The following PAX3 variants were observed in gnomAD, a reference collection of about 807,000 sequenced individuals.
PAX3 encodes the protein paired box 3.
In PAX3, 14 loss-of-function variants were observed where a neutral mutation model predicts 51.6. That is an observed-to-expected ratio of 0.27 (90% CI 0.18 to 0.42). The LOEUF (loss-of-function observed/expected upper bound fraction) is 0.42, where lower values mean the gene tolerates loss of function less well. Ranked by LOEUF, PAX3 falls within the 10% of genes least tolerant of loss-of-function variation. PAX3 has a pLI of 1.00. For synonymous variants in PAX3, 280 were observed against 253.4 expected (o/e 1.11, Z -1.00); for missense variants, 540 against 642.8 (o/e 0.84, Z 1.73).
intron 2 of PAX3, 139 bp downstream of exon 2, chr2:222,296,839 C>T: frequency 1.4e-6 from 1 of 724,624 alleles, no homozygotes; most frequent in Non-Finnish European, 2.4e-6. Context: ...CACACACACG[C>T]GCGCCTTTAC....
intron 4 of PAX3, among the ~76,000 whole-genome samples, chr2:222,238,276 T>A (rs904856454): frequency 2.0e-5 from 3 of 152,212 alleles, no homozygotes; most frequent in African/African-American, 7.2e-5. Flanking sequence ...TATGTCTTTG[T>A]CCGTTAGCCC....
intron 4 of PAX3, among the ~76,000 whole-genome samples, chr2:222,293,117 G>T (rs576018881): frequency 2.0e-5 from 3 of 152,268 alleles, no homozygotes; most frequent in East Asian, 3.9e-4. Context: ...CTGGAAAGCC[G>T]CCTGTCCCTC....
intron 7 of PAX3, among the ~76,000 whole-genome samples, chr2:222,215,504 A>T (rs1466720026): frequency 1.3e-5 from 2 of 151,990 alleles, no homozygotes; most frequent in African/African-American, 4.8e-5. Flanking sequence ...GGGGTGAGGC[A>T]TGAAATGATA....
rs1206058118 is a variant in PAX3 at position 222,296,992 on chromosome 2, C to T, written c.307G>A (p.Gly103Ser). 6.2e-7 allele frequency: 1 copy of T among 1,613,358 alleles called. No individual in the cohort carries two copies. The highest frequency in any genetic ancestry group is 1.1e-5 in the South Asian group (1 of 90,898). ...TGSIRPGAIG[G>S]SKPKQVTTPD... ...CGCCCGCTCACCTTGGGCTTGCTGC[C>T]GCCGATGGCACCAGGACGTATGGAG... The change falls in exon 2 of 9, where the codon GGC becomes AGC. Residue 103 changes from glycine (G) to serine (S), a missense_variant. Gly to Ser is a moderately conservative substitution (Grantham distance 56). Around this residue, in one of 3 missense-constraint regions of PAX3, gnomAD observed 50 missense variants for 109.3 expected, o/e 0.46. Coordinates refer to ENST00000392070, the MANE Select transcript of PAX3 (RefSeq NM_181458.4).
At chr2:222,257,831 C>T (rs1264057316) in intron 4 of PAX3, among the ~76,000 whole-genome samples, 1 of 152,214 alleles carries the variant, frequency 6.6e-6, no homozygotes, top group Non-Finnish European at 1.5e-5. Flanking sequence ...ACCAGGGCCT[C>T]CCCAGGGTCA....
At chr2:222,230,387 G>GA (rs1325210851) in intron 5 of PAX3, among the ~76,000 whole-genome samples, 2 of 102,036 alleles carry the variant, frequency 2.0e-5, no homozygotes, top group African/African-American at 7.7e-5. Context: ...ACAGGGAGGG[G>GA]AAAATCACAC....
chr2:222,283,116 A>T (rs998573019), intron 4 of PAX3, among the ~76,000 whole-genome samples: 1 of 152,248 alleles, frequency 6.6e-6, no homozygotes, highest in African/African-American at 2.4e-5. Flanking sequence ...ATAAACTCAC[A>T]CGTGTGCCAA....
At chr2:222,255,917 A>ATTTTTTTTTTTTTTTTTTTTTT (rs57757180) in intron 4 of PAX3, among the ~76,000 whole-genome samples, 1 of 98,344 alleles carries the variant, frequency 1.0e-5, no homozygotes, top group Non-Finnish European at 1.9e-5. Context: ...CGCCCAGCTA[A>ATTTTTTTTTTTTTTTTTTTTTT]TTTTTTTTTT....
intron 4 of PAX3, among the ~76,000 whole-genome samples, chr2:222,235,985 C>T (rs955950826): frequency 3.3e-5 from 5 of 152,130 alleles, no homozygotes; most frequent in African/African-American, 1.2e-4. Context: ...GATTTTTCGG[C>T]TGGAAACTTA....
intron 4 of PAX3, among the ~76,000 whole-genome samples, chr2:222,293,369 T>C (rs1489234850): frequency 6.6e-6 from 1 of 152,174 alleles, no homozygotes; most frequent in Non-Finnish European, 1.5e-5. Context: ...TTTGTACCCT[T>C]AAAGTTTGAG....
intron 4 of PAX3, among the ~76,000 whole-genome samples, chr2:222,290,081 G>A (rs1694975010): frequency 6.6e-6 from 1 of 152,068 alleles, no homozygotes; most frequent in Admixed American, 6.5e-5. Flanking sequence ...GGACCAAAAT[G>A]GCCCTTCCTG....
intron 6 of PAX3, 44 bp from the exon 7 acceptor site, chr2:222,220,398 C>A: frequency 6.3e-7 from 1 of 1,595,608 alleles, no homozygotes; most frequent in Non-Finnish European, 8.6e-7. Context: ...TCTTTTAGGC[C>A]AGCAGAGAAA....
At chr2:222,275,089 A>G (rs1360633628) in intron 4 of PAX3, among the ~76,000 whole-genome samples, 1 of 152,224 alleles carries the variant, frequency 6.6e-6, no homozygotes, top group Non-Finnish European at 1.5e-5. Flanking sequence ...CTCTTATTAA[A>G]TAAAAATTTT....
At chr2:222,292,726 T>G (rs1326777797) in intron 4 of PAX3, among the ~76,000 whole-genome samples, 1 of 152,166 alleles carries the variant, frequency 6.6e-6, no homozygotes, top group Non-Finnish European at 1.5e-5. Context: ...CCAAGGTGTC[T>G]TCTCAGAGAC....
Position 222,200,082 on chromosome 2 carries a change from C to T in PAX3, c.*1326G>A. On this transcript the variant is annotated 3_prime_UTR_variant, in exon 9 of 9. Coordinates refer to ENST00000392070, the MANE Select transcript of PAX3 (RefSeq NM_181458.4). The stretch of plus-strand genomic sequence containing the variant: ...GTCTAGTCTCACTAACTCGCTACGT[C>T]ATAGTTCTTAACTCTAAAAGGAATG... 1 of 210,318 alleles carries T rather than the reference C, an allele frequency of 4.8e-6. No individual in the cohort carries two copies. Among genetic ancestry groups the T allele is most frequent in the Non-Finnish European group, 9.7e-6 (1 of 103,194 alleles). 13.0% of individuals were successfully genotyped at this position (210,318 alleles called of 1,614,324 possible). A position where few individuals can be genotyped will look rare whatever the true frequency, so the allele number is the denominator to read the frequency against.
At chr2:222,204,673 G>A (rs181052872) in intron 7 of PAX3, among the ~76,000 whole-genome samples, 174 of 152,214 alleles carry the variant, frequency 1.1e-3, no homozygotes, top group Non-Finnish European at 3.2e-4. Flanking sequence ...ATTTTACCAT[G>A]AATAAGTTGT....
chr2:222,298,472 G>T (rs1695425700), intron 1 of PAX3, 59 bp downstream of exon 1: 11 of 1,408,634 alleles, frequency 7.8e-6, no homozygotes, highest in South Asian at 2.5e-5. Context: ...CTGGGGATGG[G>T]GTGAGGCAGC....
At chr2:222,280,311 G>T (rs1323371453) in intron 4 of PAX3, among the ~76,000 whole-genome samples, 1 of 136,366 alleles carries the variant, frequency 7.3e-6, no homozygotes, top group East Asian at 2.2e-4. Flanking sequence ...GAGGGAAGGA[G>T]GGAGGAGGGG....
chr2:222,213,000 G>C (rs1027882349), intron 7 of PAX3, among the ~76,000 whole-genome samples: 2 of 152,132 alleles, frequency 1.3e-5, no homozygotes, highest in African/African-American at 2.4e-5. Context: ...AAAACACGAG[G>C]TTGTTGCATT....
Sources: gnomAD v4.1 joint callset for allele counts (sites outside exome capture counted in the v4.1 genomes callset) on GRCh38, gnomAD v4.1.1 for gene constraint, gnomAD v4.1.1 regional missense constraint, MANE v1.5 for transcripts, NCBI Gene and HGNC (gene_info 2026-07-23, HGNC 2026-07-21) for gene names.